The following MYO7A variants were observed in gnomAD, a reference collection of about 807,000 sequenced individuals.
MYO7A encodes the protein myosin VIIA.
A neutral mutation model predicts 263.8 loss-of-function variants in MYO7A; 210 were observed. The ratio of observed to expected loss-of-function variants is 0.80; its 90% confidence interval spans 0.71 to 0.89. The LOEUF is 0.89. MYO7A is among the 40% of genes least tolerant of loss of function. MYO7A has a pLI of 0.00. For missense variants in MYO7A, 2,820 were observed against 2,968.3 expected (o/e 0.95, Z 1.16); for synonymous variants, 1,239 against 1,197.3 (o/e 1.03, Z -0.72).
intron 4 of MYO7A, among the ~76,000 whole-genome samples, chr11:77,149,401 A>G (rs1432463932): frequency 6.6e-6 from 1 of 152,074 alleles, no homozygotes; most frequent in Admixed American, 6.6e-5. Flanking sequence ...GCTGGTAGAG[A>G]TGGCATTCAG....
Position 77,198,512 on chromosome 11 carries a change from A to G in MYO7A, c.4459A>G (p.Asn1487Asp). 2 of 1,613,862 alleles carry G rather than the reference A, an allele frequency of 1.2e-6. No homozygotes were observed. Among genetic ancestry groups the G allele is most frequent in the Non-Finnish European group, 8.5e-7 (1 of 1,179,876 alleles). The change falls in exon 34 of 49, where the codon AAC becomes GAC. Residue 1487 changes from asparagine (N) to aspartate (D), a missense_variant. Transcript: ENST00000409709. ...YKFSGPSLPKNDVIVAVNWTG... is the reference protein window; with the variant it reads ...YKFSGPSLPKDDVIVAVNWTG... Reference sequence around the variant, plus strand: ...CGTCCCAGGCCCCAGTCTCCCCAAGAACGACGTCATCGTGGCCGTCAACTG... The same window carrying G: ...CGTCCCAGGCCCCAGTCTCCCCAAGGACGACGTCATCGTGGCCGTCAACTG...
At chr11:77,133,486 A>C (rs1178014739) in intron 2 of MYO7A, among the ~76,000 whole-genome samples, 2 of 152,196 alleles carry the variant, frequency 1.3e-5, no homozygotes, top group Admixed American at 6.5e-5. Flanking sequence ...TGTTTCTTGT[A>C]ATGATTTTGA....
intron 21 of MYO7A, 113 bp from the exon 22 acceptor site, chr11:77,180,261 A>G (rs1190840278): frequency 1.7e-5 from 5 of 299,678 alleles, no homozygotes; most frequent in East Asian, 6.0e-5. Flanking sequence ...CACTTGTCCT[A>G]TCAAAGTCAT....
intron 2 of MYO7A, among the ~76,000 whole-genome samples, chr11:77,141,198 C>T (rs552532770): frequency 1.3e-5 from 2 of 152,208 alleles, no homozygotes; most frequent in Non-Finnish European, 2.9e-5. Context: ...GAACTTATCT[C>T]TGACATTAAC....
chr11:77,171,829 G>A (rs781812781), intron 15 of MYO7A, among the ~76,000 whole-genome samples: 1 of 152,214 alleles, frequency 6.6e-6, no homozygotes, highest in Non-Finnish European at 1.5e-5. Context: ...TTGGCTTCCT[G>A]TTTGTTTGCG....
At chr11:77,186,952 T>TA (rs1386219979) in intron 27 of MYO7A, among the ~76,000 whole-genome samples, 3 of 152,174 alleles carry the variant, frequency 2.0e-5, no homozygotes, top group African/African-American at 7.2e-5. Flanking sequence ...CTTGAACACT[T>TA]AGAGGCCATT....
intron 45 of MYO7A, 42 bp from the exon 46 acceptor site, chr11:77,211,764 CCCTGAGCAGGCCTGT>C (rs1454969208): frequency 1.4e-6 from 2 of 1,411,066 alleles, no homozygotes; most frequent in Admixed American, 1.7e-5. Context: ...AGCTGGCCTG[CCCTGAGCAGGCCTGT>C]CCCCAGGACT....
intron 30 of MYO7A, 64 bp downstream of exon 30, chr11:77,190,934 A>G: frequency 6.8e-7 from 1 of 1,464,964 alleles, no homozygotes; most frequent in Non-Finnish European, 9.2e-7. Flanking sequence ...CCGGGCTGCC[A>G]GTGCTGCCAC....
Position 77,155,989 on chromosome 11 carries a change from C to A in MYO7A, c.368C>A (p.Thr123Asn). 2 of 1,613,698 alleles carry A rather than the reference C, an allele frequency of 1.2e-6. No homozygotes were observed. Among genetic ancestry groups the A allele is most frequent in the Middle Eastern group, 1.6e-4 (1 of 6,062 alleles). The change falls in exon 5 of 49, where the codon ACC (threonine) becomes AAC (asparagine). Residue 123 changes from threonine to asparagine, a missense_variant. Thr to Asn is a moderately conservative substitution (Grantham distance 65). Coordinates refer to ENST00000409709, the MANE Select transcript of MYO7A (RefSeq NM_000260.4). ...TCGCCAGAGCACATCCGCCAGTATA[C>A]CAACAAGAAGATTGGGGAGATGCCC... ...IYSPEHIRQY[T>N]NKKIGEMPPH...
At chr11:77,178,571 C>A in intron 19 of MYO7A, among the ~76,000 whole-genome samples, 1 of 152,194 alleles carries the variant, frequency 6.6e-6, no homozygotes. Context: ...TGTGCATGGT[C>A]TCTGTCCTCT....
chr11:77,205,678 TGTG>T, intron 40 of MYO7A, 61 bp downstream of exon 40: 1 of 1,599,440 alleles, frequency 6.3e-7, no homozygotes. Context: ...ACGCGGGGCT[TGTG>T]GGATGAGCCC....
intron 15 of MYO7A, 135 bp downstream of exon 15, chr11:77,166,297 AGGAGGGGCCT>A (rs1407875091): frequency 2.0e-5 from 15 of 761,734 alleles, no homozygotes; most frequent in Non-Finnish European, 3.4e-5. Context: ...CTGTGGCTCC[AGGAGGGGCCT>A]GGAGGGGCCT....
In MYO7A at chr11:77,183,171, C is replaced by A. The variant is rs782500012; in HGVS notation, c.3375+14C>A. ...CTCACAGAGGAGGTGAGGGCAGACG[C>A]TGGGGGTCTGGCAGCCCAGGGGTGG... On this transcript the variant is annotated intron_variant, in intron 26 of 48. Coordinates refer to ENST00000409709, the MANE Select transcript of MYO7A (RefSeq NM_000260.4). 153 of 1,550,250 alleles carry A rather than the reference C, an allele frequency of 9.9e-5. No individual in the cohort carries two copies. Among genetic ancestry groups the A allele is most frequent in the Admixed American group, 2.5e-4 (13 of 50,996 alleles).
intron 1 of MYO7A, 82 bp from the exon 2 acceptor site, chr11:77,130,506 GA>G: frequency 9.5e-7 from 1 of 1,052,446 alleles, no homozygotes; most frequent in Non-Finnish European, 1.4e-6. Context: ...GGGGCTTTGG[GA>G]GGAGCCCAGG....
intron 15 of MYO7A, among the ~76,000 whole-genome samples, chr11:77,167,040 G>T (rs575301860): frequency 6.6e-6 from 1 of 152,244 alleles, no homozygotes; most frequent in Admixed American, 6.5e-5. Flanking sequence ...AGGCCTCAGC[G>T]GCCTGGGTGG....
At chr11:77,211,033 G>T in intron 44 of MYO7A, 119 bp from the exon 45 acceptor site, 1 of 887,980 alleles carries the variant, frequency 1.1e-6, no homozygotes, top group Non-Finnish European at 1.7e-6. Flanking sequence ...TGGAGAGGTG[G>T]GTGGGCCCAT....
chr11:77,189,503 G>A (rs1177903089), intron 28 of MYO7A, 33 bp downstream of exon 28: 1 of 1,612,942 alleles, frequency 6.2e-7, no homozygotes, highest in Admixed American at 1.7e-5. Flanking sequence ...GGAGTGGGAA[G>A]GGGAGCTAGG....
At position 77,194,219 on chromosome 11, in the gene MYO7A, G is replaced by A. The variant is rs539275335; in HGVS notation, c.4153-135G>A. On this transcript the variant is annotated intron_variant, in intron 31 of 48. Transcript: ENST00000409709. The stretch of plus-strand genomic sequence containing the variant: ...GAATTCCCTGGTGAATCAGTGAGAA[G>A]CCTGGGTCCCAAAGGCCAGGCTCTG... The A allele has an allele frequency of 1.9e-5, 20 of 1,060,132 alleles. No individual in the cohort carries two copies. In the East Asian group the frequency reaches 4.4e-4, roughly 23 times the overall value. 65.7% of individuals were successfully genotyped at this position (1,060,132 alleles called of 1,614,324 possible). A position where few individuals can be genotyped will look rare whatever the true frequency, so the allele number is the denominator to read the frequency against.
intron 4 of MYO7A, among the ~76,000 whole-genome samples, chr11:77,153,704 G>T (rs1275283965): frequency 2.0e-5 from 3 of 152,108 alleles, no homozygotes; most frequent in African/African-American, 7.2e-5. Flanking sequence ...CTCCACAGCT[G>T]CCGGGGTGAC....
Sources: allele counts gnomAD v4.1 joint callset (sites outside exome capture counted in the v4.1 genomes callset), GRCh38; gene constraint gnomAD v4.1.1; transcripts MANE v1.5; gene names NCBI Gene and HGNC (gene_info 2026-07-23, HGNC 2026-07-21).